The following PCDHA8 variants were observed in gnomAD, a reference collection of about 807,000 sequenced individuals.
The protein encoded by PCDHA8 is protocadherin alpha 8, also known as protocadherin alpha-8.
A neutral mutation model predicts 61.8 loss-of-function variants in PCDHA8; 53 were observed. The observed-to-expected ratio is 0.86, with a 90% CI of 0.69 to 1.08. PCDHA8 has a LOEUF of 1.08. Ranked by LOEUF, PCDHA8 falls within the 50% of genes least tolerant of loss-of-function variation. The pLI, the probability that PCDHA8 is intolerant of heterozygous loss-of-function variation, is 0.00. For synonymous variants in PCDHA8, 618 were observed against 556.6 expected, an observed-to-expected ratio of 1.11 and a Z score of -1.55; for missense variants, 1,293 against 1,245.0, an observed-to-expected ratio of 1.04 and a Z score of -0.58.
At chr5:140,990,705 G>A (rs2097408066) in intron 3 of PCDHA8, among the ~76,000 whole-genome samples, 1 of 152,132 alleles carries the variant, frequency 6.6e-6, no homozygotes, top group Non-Finnish European at 1.5e-5. Flanking sequence ...AGATTTATGG[G>A]GATAAGAGCA....
chr5:140,877,184 G>C (rs1554169429), intron 1 of PCDHA8: 1 of 1,613,842 alleles, frequency 6.2e-7, no homozygotes. Context: ...ACTCCGGCTG[G>C]CAGCGCAGGA....
chr5:140,842,093 G>C lies in PCDHA8; in HGVS notation c.772G>C (p.Gly258Arg), dbSNP rs145495287. 1 of 1,613,850 alleles carries C rather than the reference G, an allele frequency of 6.2e-7. No homozygotes were observed. The highest frequency in any genetic ancestry group is 8.5e-7 in the Non-Finnish European group (1 of 1,179,876). ...AAGAATATTCGAAAACGCAGACAAC[G>C]GAACAACAGTTATCAAACTGAATGC... is the stretch of plus-strand genomic sequence containing the variant. ...EVRIFENADN[G>R]TTVIKLNASD... Residue 258 changes from glycine to arginine, a missense_variant, in exon 1 of 4, where the codon GGA (glycine) becomes CGA (arginine). Transcript: ENST00000531613.
intron 1 of PCDHA8, chr5:140,848,197 A>G: frequency 3.2e-6 from 1 of 310,898 alleles, no homozygotes; most frequent in Middle Eastern, 9.7e-4. Flanking sequence ...TTCTGTTTCA[A>G]CAATCATTAC....
chr5:140,980,857 T>C (rs2153822974), intron 2 of PCDHA8, among the ~76,000 whole-genome samples: 1 of 152,334 alleles, frequency 6.6e-6, no homozygotes. Flanking sequence ...ATCTTTTTCG[T>C]ATGTGTGCTT....
At chr5:140,946,872 T>C (rs983892070) in intron 1 of PCDHA8, among the ~76,000 whole-genome samples, 7 of 151,402 alleles carry the variant, frequency 4.6e-5, no homozygotes, top group Admixed American at 1.3e-4. Flanking sequence ...GGTTGGTCAA[T>C]GGGTACGAAG....
chr5:140,875,452 C>G (rs370742022), intron 1 of PCDHA8: 1 of 1,592,452 alleles, frequency 6.3e-7, no homozygotes, highest in Non-Finnish European at 8.6e-7. Flanking sequence ...TGTCCCAACT[C>G]AGAGGCCCTC....
At chr5:140,856,743 T>A in intron 1 of PCDHA8, 1 of 1,596,776 alleles carries the variant, frequency 6.3e-7, no homozygotes, top group Non-Finnish European at 8.6e-7. Flanking sequence ...ATCCTGGTGT[T>A]AGATGCCAAT....
Position 140,841,904 on chromosome 5 carries a change from GT to G in PCDHA8, c.584del (p.Val195AspfsTer2), listed in dbSNP as rs1777577070. 1 of 1,613,860 alleles carries G rather than the reference GT, an allele frequency of 6.2e-7. No individual in the cohort carries two copies. Among genetic ancestry groups the G allele is most frequent in the East Asian group, 2.2e-5 (1 of 44,884 alleles). On this transcript the variant is annotated frameshift_variant, in exon 1 of 4. Coordinates refer to ENST00000531613, the MANE Select transcript of PCDHA8 (RefSeq NM_018911.3). LOFTEE classifies it high-confidence loss of function. ...CGATGAGAATAAACTGGTTGAGCTCGTATTAAGAAAATCCTTGGACAGAGAG... is the reference window on the plus strand; with the variant it reads ...CGATGAGAATAAACTGGTTGAGCTCGATTAAGAAAATCCTTGGACAGAGAG... ...KNDENKLVEL[V>X]LRKSLDREDA...
chr5:141,006,126 G>T (rs1554260581), intron 3 of PCDHA8, among the ~76,000 whole-genome samples: 1 of 151,330 alleles, frequency 6.6e-6, no homozygotes. Flanking sequence ...TTTTCTCAAG[G>T]CAGTAGAAAG....
At chr5:140,869,161 C>T in intron 1 of PCDHA8, 1 of 1,613,852 alleles carries the variant, frequency 6.2e-7, no homozygotes, top group South Asian at 1.1e-5. Flanking sequence ...CTGGCTTCTC[C>T]TCCTCGAATT....
chr5:140,980,313 C>G (rs904282752), intron 2 of PCDHA8, among the ~76,000 whole-genome samples: 7 of 152,166 alleles, frequency 4.6e-5, no homozygotes, highest in Admixed American at 3.9e-4. Context: ...GCCTTAAAAA[C>G]TACATTTGAA....
In PCDHA8 at chr5:140,947,881, A is replaced by G. The variant is rs191017624; in HGVS notation, c.2395-31068A>G. On this transcript the variant is annotated intron_variant, in intron 1 of 3. Transcript: ENST00000531613. ...TATAATGGCTAGGACTTCCAGGACA[A>G]TATAAACAGAAGTGGTGAGAGCAGA... 2.7e-3 allele frequency among the ~76,000 whole-genome samples: 417 copies of G among 151,684 alleles called. 2 individuals carry two copies. Among genetic ancestry groups the G allele is most frequent in the Middle Eastern group, 0.014 (4 of 294 alleles).
chr5:140,981,443 G>A lies in PCDHA8; in HGVS notation c.2454-1032G>A, dbSNP rs530782878. ...ACAAAAATGAGCCAGGCATGGTGGC[G>A]GGTGCCTGTAGTCCCAGCTACTTGG... On this transcript the variant is annotated intron_variant, in intron 2 of 3. Transcript: ENST00000531613. Among the ~76,000 whole-genome samples, 6 of 152,126 alleles carry A rather than the reference G, an allele frequency of 3.9e-5. No homozygotes were observed. The Middle Eastern group carries it at 0.01, about 259-fold the overall frequency.
chr5:140,886,910 T>C (rs1373910489), intron 1 of PCDHA8, among the ~76,000 whole-genome samples: 1 of 152,100 alleles, frequency 6.6e-6, no homozygotes, highest in African/African-American at 2.4e-5. Context: ...TAAATACTTA[T>C]TGAGTGTTCT....
chr5:140,968,739 T>C, intron 1 of PCDHA8: 1 of 1,614,192 alleles, frequency 6.2e-7, no homozygotes, highest in South Asian at 1.1e-5. Context: ...ACTTTCAACC[T>C]GACCGTGGTG....
At chr5:140,967,060 G>A in intron 1 of PCDHA8, 1 of 1,612,802 alleles carries the variant, frequency 6.2e-7, no homozygotes, top group Non-Finnish European at 8.5e-7. Flanking sequence ...CGAGTGGAGC[G>A]CTCTTCGTCA....
chr5:140,868,277 C>T (rs1261614987), intron 1 of PCDHA8: 2 of 151,614 alleles, frequency 1.3e-5, no homozygotes, highest in Non-Finnish European at 2.9e-5. Flanking sequence ...TTAAAACTAC[C>T]AAGTTTGAGA....
At chr5:140,941,224 T>TTTCTTTC in intron 1 of PCDHA8, among the ~76,000 whole-genome samples, 1 of 137,372 alleles carries the variant, frequency 7.3e-6, no homozygotes, top group Non-Finnish European at 1.6e-5. Flanking sequence ...CCTTTCTTTC[T>TTTCTTTC]TTCTTTCTTT....
chr5:141,001,520 C>G (rs542518188), intron 3 of PCDHA8, among the ~76,000 whole-genome samples: 1 of 152,300 alleles, frequency 6.6e-6, no homozygotes, highest in South Asian at 2.1e-4. Flanking sequence ...CTTTCTCCCT[C>G]TCTCTCTGAT....
Sources: gnomAD v4.1 joint callset for allele counts (sites outside exome capture counted in the v4.1 genomes callset) on GRCh38, gnomAD v4.1.1 for gene constraint, MANE v1.5 for transcripts, NCBI Gene and HGNC (gene_info 2026-07-23, HGNC 2026-07-21) for gene names.